SUSD6: variants seen among roughly 807,000 people sequenced by gnomAD.
SUSD6 encodes the protein sushi domain containing 6.
In SUSD6, 16 loss-of-function variants were observed where a neutral mutation model predicts 28.4. The ratio of observed to expected loss-of-function variants is 0.56; its 90% CI spans 0.38 to 0.86. The LOEUF (loss-of-function observed/expected upper bound fraction) is 0.86. Among genes scored for constraint, SUSD6 ranks in the 40% least tolerant of loss-of-function variants. The probability of loss-of-function intolerance (pLI) is 0.00; values close to 1 mark genes in which losing one functional copy is unlikely to be tolerated. For missense variants in SUSD6, 341 were observed against 384.2 expected, an observed-to-expected ratio of 0.89 and a Z score of 0.94; for synonymous variants, 147 against 159.6, an observed-to-expected ratio of 0.92 and a Z score of 0.59.
At chr14:69,654,072 G>T (rs150064569) in intron 1 of SUSD6, among the ~76,000 whole-genome samples, 147 of 152,282 alleles carry the variant, frequency 9.7e-4, no homozygotes, top group African/African-American at 3.4e-3. Context: ...TCCCGTCTTA[G>T]GCTTCAGGAT....
chr14:69,690,127 G>T (rs1247273109), intron 2 of SUSD6, among the ~76,000 whole-genome samples: 4 of 152,210 alleles, frequency 2.6e-5, no homozygotes, highest in Admixed American at 6.5e-5. Context: ...TTCTGACTGG[G>T]CATCTCAGAC....
intron 2 of SUSD6, among the ~76,000 whole-genome samples, chr14:69,669,178 C>T (rs552231167): frequency 1.5e-4 from 23 of 151,564 alleles, no homozygotes; most frequent in Admixed American, 3.9e-4. Context: ...ATTCTCCTGC[C>T]GCAGCCTCCC....
At chr14:69,643,218 C>A (rs1885379700) in intron 1 of SUSD6, among the ~76,000 whole-genome samples, 1 of 152,152 alleles carries the variant, frequency 6.6e-6, no homozygotes, top group Non-Finnish European at 1.5e-5. Flanking sequence ...CCCCATTATT[C>A]CACCATGACT....
Position 69,663,977 on chromosome 14 carries a change from C to CTT in SUSD6, c.121+5278_121+5279dup, listed in dbSNP as rs560318014. Among the ~76,000 whole-genome samples, 45 of 140,228 alleles carry CTT rather than the reference C, an allele frequency of 3.2e-4. 2 individuals carry two copies. In the East Asian group the frequency reaches 7.8e-3, roughly 24 times the overall value. 92.0% of individuals were successfully genotyped at this position (140,228 alleles called of 152,430 possible). On this transcript the variant is annotated intron_variant, in intron 2 of 5. Coordinates refer to ENST00000342745, the MANE Select transcript of SUSD6 (RefSeq NM_014734.4). The stretch of plus-strand genomic sequence containing the variant: ...ACCATGTTTCCCACTATGGTTGTTT[C>CTT]TTTTTTTTTTTTTTTATTTGAGATG...
At chr14:69,709,127 G>T in intron 5 of SUSD6, 23 bp downstream of exon 5, 1 of 1,535,224 alleles carries the variant, frequency 6.5e-7, no homozygotes, top group Non-Finnish European at 8.8e-7. Context: ...AGCTGAACAT[G>T]AATTATTAGC....
intron 1 of SUSD6, among the ~76,000 whole-genome samples, chr14:69,639,726 G>A (rs1412832203): frequency 6.6e-6 from 1 of 152,192 alleles, no homozygotes; most frequent in African/African-American, 2.4e-5. Flanking sequence ...GTTGGATCAA[G>A]TGATTCTTTG....
At chr14:69,640,015 G>T (rs553157360) in intron 1 of SUSD6, among the ~76,000 whole-genome samples, 137 of 115,970 alleles carry the variant, frequency 1.2e-3, no homozygotes, top group African/African-American at 4.4e-3. Flanking sequence ...AGATTATAAA[G>T]GTAGCATGGG....
In SUSD6 at chr14:69,710,942, G is replaced by C; in HGVS notation, c.887-12G>C. On this transcript the variant is annotated splice_polypyrimidine_tract_variant and intron_variant, in intron 5 of 5. Transcript: ENST00000342745. The stretch of plus-strand genomic sequence containing the variant: ...AGGTAACCACTGTGCTTTTCTTCTG[G>C]TCTTCCTGCAGATATTCCACTGTTG... 6.2e-7 allele frequency: 1 copy of C among 1,613,980 alleles called. No homozygotes were observed. Among genetic ancestry groups the C allele is most frequent in the Non-Finnish European group, 8.5e-7 (1 of 1,179,910 alleles).
At chr14:69,670,736 C>T (rs1048951658) in intron 2 of SUSD6, among the ~76,000 whole-genome samples, 3 of 152,222 alleles carry the variant, frequency 2.0e-5, no homozygotes, top group Non-Finnish European at 2.9e-5. Context: ...TTATCATCAT[C>T]GTTGTTAAAA....
At chr14:69,649,632 TTGG>T (rs1476420335) in intron 1 of SUSD6, among the ~76,000 whole-genome samples, 2 of 152,216 alleles carry the variant, frequency 1.3e-5, no homozygotes, top group Non-Finnish European at 2.9e-5. Flanking sequence ...GGGCAGAGAA[TTGG>T]TGGTCTCTGC....
At chr14:69,666,232 G>A (rs750814201) in intron 2 of SUSD6, among the ~76,000 whole-genome samples, 8 of 152,200 alleles carry the variant, frequency 5.3e-5, no homozygotes, top group Non-Finnish European at 8.8e-5. Flanking sequence ...ACATGAAGAC[G>A]AGTAGCAAAG....
rs566459403 is a variant in SUSD6 at position 69,641,378 on chromosome 14, C to A, written c.-80-17135C>A. Among the ~76,000 whole-genome samples, 20 of 152,152 alleles carry A rather than the reference C, an allele frequency of 1.3e-4. No individual in the cohort carries two copies. The South Asian group carries it at 4.1e-3, about 32-fold the overall frequency. On this transcript the variant is annotated intron_variant, in intron 1 of 5. Coordinates refer to ENST00000342745, the MANE Select transcript of SUSD6 (RefSeq NM_014734.4). Reference sequence around the variant, plus strand: ...TTGCTACCTCTCCCCAACCATTACTCCTGTTCTATTAGGCTGCTTGATATA... The same window carrying A: ...TTGCTACCTCTCCCCAACCATTACTACTGTTCTATTAGGCTGCTTGATATA...
intron 2 of SUSD6, among the ~76,000 whole-genome samples, chr14:69,658,942 C>G (rs1329965597): frequency 6.6e-6 from 1 of 152,078 alleles, no homozygotes; most frequent in Non-Finnish European, 1.5e-5. Flanking sequence ...TCACCCCTCT[C>G]CCCCAGCCAT....
At chr14:69,668,451 A>G (rs1284336635) in intron 2 of SUSD6, among the ~76,000 whole-genome samples, 1 of 152,028 alleles carries the variant, frequency 6.6e-6, no homozygotes, top group Non-Finnish European at 1.5e-5. Flanking sequence ...CCCGGCCAAC[A>G]TGGTGAAACC....
intron 1 of SUSD6, among the ~76,000 whole-genome samples, chr14:69,646,900 A>C (rs377281355): frequency 6.6e-6 from 1 of 151,866 alleles, no homozygotes; most frequent in Non-Finnish European, 1.5e-5. Context: ...ACGGGGTTTC[A>C]CCATGTTAGC....
At chr14:69,710,467 A>C (rs985967077) in intron 5 of SUSD6, among the ~76,000 whole-genome samples, 1 of 152,250 alleles carries the variant, frequency 6.6e-6, no homozygotes, top group Non-Finnish European at 1.5e-5. Context: ...ACATTAAGTC[A>C]GTAAGTTCCT....
At chr14:69,710,715 T>C (rs892451340) in intron 5 of SUSD6, among the ~76,000 whole-genome samples, 1 of 152,116 alleles carries the variant, frequency 6.6e-6, no homozygotes, top group African/African-American at 2.4e-5. Context: ...GAGAGGAGGA[T>C]GGTTTGAATA....
chr14:69,709,045 A>G lies in SUSD6; in HGVS notation c.827A>G (p.Asp276Gly). 1 of 1,613,742 alleles carries G rather than the reference A, an allele frequency of 6.2e-7. No individual in the cohort carries two copies. The highest frequency in any genetic ancestry group is 8.5e-7 in the Non-Finnish European group (1 of 1,179,926). The change falls in exon 5 of 6, where the codon GAT becomes GGT. Residue 276 changes from aspartate (D) to glycine (G), a missense_variant. Asp to Gly is a moderately conservative substitution (Grantham distance 94, BLOSUM62 -1). Transcript: ENST00000342745. ...NRQLAHKETA[D>G]SENSDIQSLL... ...CAACTGGCACACAAAGAAACTGCAGATTCAGAGAACAGTGACATACAAAGC... is the reference window on the plus strand; with the variant it reads ...CAACTGGCACACAAAGAAACTGCAGGTTCAGAGAACAGTGACATACAAAGC...
At chr14:69,638,387 G>A (rs1190947654) in intron 1 of SUSD6, among the ~76,000 whole-genome samples, 1 of 151,618 alleles carries the variant, frequency 6.6e-6, no homozygotes, top group African/African-American at 2.4e-5. Context: ...CACTCTTGGT[G>A]TGAGTTTGAA....
Sources: allele counts gnomAD v4.1 joint callset (sites outside exome capture counted in the v4.1 genomes callset), GRCh38; gene constraint gnomAD v4.1.1; transcripts MANE v1.5; gene names NCBI Gene and HGNC (gene_info 2026-07-23, HGNC 2026-07-21).